USP44: variants seen among roughly 807,000 people sequenced by gnomAD.
USP44 encodes ubiquitin carboxyl-terminal hydrolase 44.
In USP44, 61 loss-of-function variants were observed where a neutral mutation model predicts 69.0. The ratio of observed to expected loss-of-function variants is 0.88; its 90% CI spans 0.72 to 1.09. The LOEUF is 1.09. USP44 is among the 50% of genes least tolerant of loss of function. The probability of loss-of-function intolerance (pLI) is 0.00; values close to 1 mark genes in which losing one functional copy is unlikely to be tolerated. For synonymous variants in USP44, 297 were observed against 295.4 expected (o/e 1.01, Z -0.06); for missense variants, 753 against 849.9 (o/e 0.89, Z 1.42).
chr12:95,532,057 C>T (rs1264355607), intron 2 of USP44, among the ~76,000 whole-genome samples: 2 of 152,054 alleles, frequency 1.3e-5, no homozygotes, highest in Non-Finnish European at 2.9e-5. Context: ...TCCCTACCTA[C>T]TTGTTAAAGC....
At chr12:95,523,705 A>AAAG (rs1565805870) in intron 4 of USP44, among the ~76,000 whole-genome samples, 1 of 150,826 alleles carries the variant, frequency 6.6e-6, no homozygotes, top group African/African-American at 2.4e-5. Flanking sequence ...AAAAAAAAAA[A>AAAG]AGAGATACAA....
At chr12:95,541,224 C>T (rs1211971109) in intron 1 of USP44, among the ~76,000 whole-genome samples, 3 of 152,056 alleles carry the variant, frequency 2.0e-5, no homozygotes, top group Non-Finnish European at 2.9e-5. Context: ...TGCAGTGAGC[C>T]GAGATGGCGC....
rs1411881359 is a variant in USP44, at chr12:95,528,916, G to A, written c.1515C>T (p.Cys505=). ...LSLEFPERYQ[C]SGKDIASQPC... The stretch of plus-strand genomic sequence containing the variant: ...GCTGGGAAGCAATATCTTTTCCACT[G>A]CATTGATACCTTTCTGGAAACTCCA... The change falls in exon 3 of 6, where the codon TGC becomes TGT. Residue 505 remains cysteine, a synonymous_variant. Transcript: ENST00000258499. 1.9e-6 allele frequency: 3 copies of A among 1,613,866 alleles called. No homozygotes were observed. In the East Asian group the frequency reaches 6.7e-5, roughly 36 times the overall value.
rs148724846 is a variant in USP44, at chr12:95,540,623, G to A, written c.-70-6297C>T. Among the ~76,000 whole-genome samples, 43 of 152,208 alleles carry A rather than the reference G, an allele frequency of 2.8e-4. No homozygotes were observed. The East Asian group carries it at 7.2e-3, about 25-fold the overall frequency. ...CTCCCAAAGTGCTGGGATTAGAGGC[G>A]TGAGCCACCACACCCTGCTCTCCCT... On this transcript the variant is annotated intron_variant, in intron 1 of 5. Transcript: ENST00000258499.
At chr12:95,543,158 T>C (rs1316915561) in intron 1 of USP44, among the ~76,000 whole-genome samples, 3 of 151,080 alleles carry the variant, frequency 2.0e-5, no homozygotes, top group Non-Finnish European at 4.4e-5. Flanking sequence ...CCCAGCACTT[T>C]GGGAGGCTGA....
At chr12:95,539,684 T>A (rs764060156) in intron 1 of USP44, among the ~76,000 whole-genome samples, 1 of 152,232 alleles carries the variant, frequency 6.6e-6, no homozygotes, top group Non-Finnish European at 1.5e-5. Context: ...TTCATACTTT[T>A]CACACCTATG....
In USP44 at chr12:95,518,197, G is replaced by A. The variant is rs546776698; in HGVS notation, c.2096C>T (p.Pro699Leu). The change falls in exon 6 of 6, where the codon CCC becomes CTC. Residue 699 changes from proline to leucine, a missense_variant. By Grantham distance (98) the Pro-to-Leu change is moderately conservative. Transcript: ENST00000258499. ...AGACGAGGTATCAGCGTCTTCATTG[G>A]GATGTTGGCTCCCCAACAGGAGCTC... ...PPELLLGSQH[P>L]NEDADTSSNE... 1 of 1,614,106 alleles carries A rather than the reference G, an allele frequency of 6.2e-7. No individual in the cohort carries two copies. Among genetic ancestry groups the A allele is most frequent in the Non-Finnish European group, 8.5e-7 (1 of 1,180,024 alleles).
chr12:95,535,000 G>T (rs1261059703), intron 1 of USP44, among the ~76,000 whole-genome samples: 4 of 152,166 alleles, frequency 2.6e-5, no homozygotes, highest in Non-Finnish European at 4.4e-5. Context: ...AATGACAGGG[G>T]TTGGCAAGAC....
At chr12:95,531,715 T>G (rs756932710) in intron 2 of USP44, among the ~76,000 whole-genome samples, 1 of 152,176 alleles carries the variant, frequency 6.6e-6, no homozygotes, top group Admixed American at 6.5e-5. Flanking sequence ...TAGGAAAGTA[T>G]GCTATAAAAA....
At chr12:95,534,972 T>C (rs973343716) in intron 1 of USP44, among the ~76,000 whole-genome samples, 3 of 152,224 alleles carry the variant, frequency 2.0e-5, no homozygotes, top group Admixed American at 2.0e-4. Context: ...TGAACCACTG[T>C]GCCTGGCCCC....
chr12:95,521,821 C>T (rs2076672923), intron 4 of USP44, among the ~76,000 whole-genome samples: 1 of 152,060 alleles, frequency 6.6e-6, no homozygotes, highest in Non-Finnish European at 1.5e-5. Context: ...ACTGTCTTGC[C>T]AGGATATGAA....
chr12:95,540,506 C>A (rs1308276531), intron 1 of USP44, among the ~76,000 whole-genome samples: 3 of 152,044 alleles, frequency 2.0e-5, no homozygotes, highest in African/African-American at 2.4e-5. Context: ...CCACGCAAGG[C>A]GAATTTTGTA....
intron 1 of USP44, among the ~76,000 whole-genome samples, chr12:95,543,810 C>CA (rs1387660078): frequency 1.3e-5 from 2 of 150,598 alleles, no homozygotes; most frequent in Non-Finnish European, 3.0e-5. Context: ...ACAAAACATA[C>CA]AAAAAAATTA....
chr12:95,527,835 GCTT>G (rs1565812297), intron 3 of USP44, among the ~76,000 whole-genome samples: 1 of 70,888 alleles, frequency 1.4e-5, no homozygotes, highest in African/African-American at 5.4e-5. Context: ...GGAGGAAGAT[GCTT>G]TTTTTTTTTT....
intron 1 of USP44, among the ~76,000 whole-genome samples, chr12:95,549,349 C>T (rs1277815916): frequency 6.6e-6 from 1 of 152,112 alleles, no homozygotes; most frequent in African/African-American, 2.4e-5. Flanking sequence ...GAGAGAGGTT[C>T]CAGAACGGGC....
intron 3 of USP44, among the ~76,000 whole-genome samples, chr12:95,526,994 T>C (rs1390121318): frequency 6.6e-6 from 1 of 152,098 alleles, no homozygotes; most frequent in Non-Finnish European, 1.5e-5. Context: ...GAGATTTTGG[T>C]GCACCCAACA....
chr12:95,538,146 T>C (rs2077266247), intron 1 of USP44, among the ~76,000 whole-genome samples: 1 of 150,434 alleles, frequency 6.6e-6, no homozygotes, highest in Admixed American at 6.6e-5. Context: ...GGGATTACAG[T>C]AAAACGGTGA....
In USP44 at chr12:95,533,028, C is replaced by T; in HGVS notation, c.1229G>A (p.Trp410Ter). 1 of 1,614,192 alleles carries T rather than the reference C, an allele frequency of 6.2e-7. No homozygotes were observed. Among genetic ancestry groups the T allele is most frequent in the Non-Finnish European group, 8.5e-7 (1 of 1,180,034 alleles). The change falls in exon 2 of 6, where the codon TGG becomes TAG. Residue 410 changes from tryptophan (W) to a stop codon, truncating the protein, a stop_gained. Transcript: ENST00000258499. LOFTEE classifies it high-confidence loss of function. ...ACCACGAAAGGCAGGAATGAGTCTCCACACTGAGTGTAGCATAGCAAATGG... is the reference window on the plus strand; with the variant it reads ...ACCACGAAAGGCAGGAATGAGTCTCTACACTGAGTGTAGCATAGCAAATGG... ...VSPFAMLHSVWRLIPAFRGYA... is the reference protein window; with the variant it reads ...VSPFAMLHSV
chr12:95,519,462 T>C (rs113909200), intron 5 of USP44, among the ~76,000 whole-genome samples: 32,432 of 125,622 alleles, frequency 0.26, 4,681 homozygotes, highest in African/African-American at 0.36. Context: ...TTTTTTGAGA[T>C]GGAGTCTCGC....
Sources: allele counts gnomAD v4.1 joint callset (sites outside exome capture counted in the v4.1 genomes callset), GRCh38; gene constraint gnomAD v4.1.1; transcripts MANE v1.5; gene names NCBI Gene and HGNC (gene_info 2026-07-23, HGNC 2026-07-21).